Variants in TTC34 observed in about 807,000 individuals in gnomAD.
TTC34 encodes the protein tetratricopeptide repeat domain 34, also known as tetratricopeptide repeat protein 34.
TTC34 carries 44 observed loss-of-function variants against 40.7 expected under a neutral mutation model. The ratio of observed to expected loss-of-function variants is 1.08; its 90% CI spans 0.85 to 1.39. TTC34 has a LOEUF of 1.39. Among genes scored for constraint, TTC34 ranks in the 40% most tolerant of loss-of-function variants. The pLI is 0.00. For synonymous variants in TTC34, 422 were observed against 398.6 expected (o/e 1.06, Z -0.70); for missense variants, 884 against 838.0 (o/e 1.05, Z -0.68).
chr1:2,771,400 A>C (rs1281522450), intron 6 of TTC34, among the ~76,000 whole-genome samples: 1 of 61,556 alleles, frequency 1.6e-5, no homozygotes, highest in Non-Finnish European at 2.7e-5. Flanking sequence ...ACAGAACCCC[A>C]CTCTTCCAGG....
chr1:2,684,969 C>T (rs1448746433), intron 6 of TTC34, among the ~76,000 whole-genome samples: 3 of 141,718 alleles, frequency 2.1e-5, no homozygotes, highest in African/African-American at 2.9e-5. Flanking sequence ...CCCAGACGAG[C>T]ATCTGACAGC....
chr1:2,683,054 T>TA (rs1640146543), intron 6 of TTC34, among the ~76,000 whole-genome samples: 1 of 151,864 alleles, frequency 6.6e-6, no homozygotes, highest in African/African-American at 2.4e-5. Flanking sequence ...TCAGACAGCC[T>TA]GGAACCGCAG....
At chr1:2,798,622 C>G (rs1643736918) in intron 2 of TTC34, among the ~76,000 whole-genome samples, 1 of 119,410 alleles carries the variant, frequency 8.4e-6, no homozygotes, top group Non-Finnish European at 1.7e-5. Flanking sequence ...AGCCTCTTAG[C>G]CCCTCAGCTC....
chr1:2,768,476 A>C (rs1258709614), intron 6 of TTC34, among the ~76,000 whole-genome samples: 3 of 150,296 alleles, frequency 2.0e-5, no homozygotes, highest in Non-Finnish European at 3.0e-5. Flanking sequence ...TAAGAATTTG[A>C]TAAGTGGGGA....
chr1:2,683,644 C>T (rs1412919207), intron 6 of TTC34, among the ~76,000 whole-genome samples: 3 of 148,628 alleles, frequency 2.0e-5, no homozygotes, highest in Admixed American at 6.6e-5. Flanking sequence ...CCCAGGTGAG[C>T]ATCTGACAGC....
At chr1:2,792,056 A>C (rs1569972985) in intron 2 of TTC34, among the ~76,000 whole-genome samples, 2 of 103,480 alleles carry the variant, frequency 1.9e-5, no homozygotes, top group Non-Finnish European at 3.7e-5. Flanking sequence ...TTGCTCCATC[A>C]CCCAGGCTGG....
chr1:2,795,149 G>A (rs1316171530), intron 2 of TTC34, among the ~76,000 whole-genome samples: 1 of 152,122 alleles, frequency 6.6e-6, no homozygotes, highest in Non-Finnish European at 1.5e-5. Context: ...TACTTGGGAG[G>A]CTGAGGCAGG....
At chr1:2,791,713 G>A (rs540814666) in intron 2 of TTC34, among the ~76,000 whole-genome samples, 1 of 152,204 alleles carries the variant, frequency 6.6e-6, no homozygotes, top group South Asian at 2.1e-4. Context: ...TTTTTGCAGT[G>A]GCTCATGGAT....
At chr1:2,786,803 C>A (rs925032215) in intron 4 of TTC34, among the ~76,000 whole-genome samples, 4 of 152,208 alleles carry the variant, frequency 2.6e-5, no homozygotes, top group Admixed American at 2.0e-4. Flanking sequence ...CCCAATGCTG[C>A]CCCCTGCTGG....
rs376632144 is a variant in TTC34 at position 2,792,006 on chromosome 1, CTTTTT to C, written c.785-1665_785-1661del. Reference sequence around the variant, plus strand: ...TGTTCAACTCTAGACTTGCCATATGCTTTTTTTTTTTTTTTTTTTTTTTTTTTAAA... The same window carrying C: ...TGTTCAACTCTAGACTTGCCATATGCTTTTTTTTTTTTTTTTTTTTTTAAA... On this transcript the variant is annotated intron_variant, in intron 2 of 8. Transcript: ENST00000401095. Among the ~76,000 whole-genome samples, 89 of 39,556 alleles carry C rather than the reference CTTTTT, an allele frequency of 2.2e-3. 1 individual carries two copies. Among genetic ancestry groups the C allele is most frequent in the Admixed American group, 4.6e-3 (13 of 2,844 alleles). 26.0% of individuals were successfully genotyped at this position (39,556 alleles called of 152,430 possible).
At chr1:2,783,570 C>T in intron 6 of TTC34, 39 bp downstream of exon 6, 3 of 1,332,524 alleles carry the variant, frequency 2.3e-6, no homozygotes, top group Admixed American at 3.2e-5. Context: ...GGTCCCCCAC[C>T]CGTGCTTGCC....
chr1:2,751,440 C>A (rs1370574572), intron 6 of TTC34, among the ~76,000 whole-genome samples: 1,419 of 84,852 alleles, frequency 0.017, 1 homozygote, highest in Admixed American at 0.026. Context: ...TGGAACAGAG[C>A]CCAGACCCCC....
chr1:2,756,661 C>G (rs1641516056), intron 6 of TTC34, among the ~76,000 whole-genome samples: 67 of 148,782 alleles, frequency 4.5e-4, no homozygotes, highest in South Asian at 1.3e-3. Flanking sequence ...GGAACAGCAC[C>G]CACACCCCCA....
At chr1:2,652,588 T>C (rs1198185257) in intron 6 of TTC34, among the ~76,000 whole-genome samples, 154 of 143,620 alleles carry the variant, frequency 1.1e-3, no homozygotes, top group African/African-American at 4.4e-3. Flanking sequence ...TTGGACAGCC[T>C]GGAGCAGCAC....
intron 6 of TTC34, among the ~76,000 whole-genome samples, chr1:2,749,496 AT>A (rs1641247855): frequency 7.9e-5 from 8 of 101,542 alleles, no homozygotes; most frequent in African/African-American, 2.0e-4. Context: ...CCAGGTGAGC[AT>A]TGGACAGCCT....
chr1:2,764,419 C>T (rs1641734706), intron 6 of TTC34, among the ~76,000 whole-genome samples: 1 of 149,146 alleles, frequency 6.7e-6, no homozygotes, highest in African/African-American at 2.5e-5. Context: ...GCAGCACCCA[C>T]ACCCCCAGGT....
chr1:2,686,199 A>C, intron 6 of TTC34, among the ~76,000 whole-genome samples: 1 of 139,434 alleles, frequency 7.2e-6, no homozygotes, highest in African/African-American at 2.9e-5. Context: ...CAGCGCCCAC[A>C]CCCCCAGGCG....
Position 2,787,718 on chromosome 1 carries a change from T to C in TTC34, c.1629-12A>G, listed in dbSNP as rs1383679119. ...CGCCGCAGGCGACCCTGTGTGGAGA[T>C]CAGCTCAGGGGGGCATGCCCCTTTT... On this transcript the variant is annotated splice_polypyrimidine_tract_variant and intron_variant, in intron 3 of 8. Transcript: ENST00000401095. 6.5e-7 allele frequency: 1 copy of C among 1,530,238 alleles called. No homozygotes were observed. The highest frequency in any genetic ancestry group is 8.8e-7 in the Non-Finnish European group (1 of 1,133,036). 94.8% of individuals were successfully genotyped at this position (1,530,238 alleles called of 1,614,324 possible). A position where few individuals can be genotyped will look rare whatever the true frequency, so the allele number is the denominator to read the frequency against.
At chr1:2,698,997 A>AG (rs1641000539) in intron 6 of TTC34, among the ~76,000 whole-genome samples, 3 of 139,348 alleles carry the variant, frequency 2.2e-5, no homozygotes, top group South Asian at 2.3e-4. Flanking sequence ...GACAGCCTGG[A>AG]AAGGCACCCA....
Sources: gnomAD v4.1 joint callset for allele counts (sites outside exome capture counted in the v4.1 genomes callset) on GRCh38, gnomAD v4.1.1 for gene constraint, MANE v1.5 for transcripts, NCBI Gene and HGNC (gene_info 2026-07-23, HGNC 2026-07-21) for gene names.